Variants in ZFP91 observed in about 807,000 individuals in gnomAD.
The protein encoded by ZFP91 is ZFP91 zinc finger protein, atypical E3 ubiquitin ligase.
A neutral mutation model predicts 63.5 loss-of-function variants in ZFP91; 7 were observed. The ratio of observed to expected loss-of-function variants is 0.11; its 90% CI spans 0.06 to 0.21. ZFP91 has a LOEUF of 0.21. Among genes scored for constraint, ZFP91 ranks in the 10% least tolerant of loss-of-function variants. ZFP91 has a pLI of 1.00. For missense variants in ZFP91, 628 were observed against 736.6 expected (o/e 0.85, Z 1.71); for synonymous variants, 330 against 272.1 (o/e 1.21, Z -2.10).
At chr11:58,596,769 C>T (rs1254948805) in intron 2 of ZFP91, among the ~76,000 whole-genome samples, 1 of 151,782 alleles carries the variant, frequency 6.6e-6, no homozygotes, top group Non-Finnish European at 1.5e-5. Context: ...GCCATAAATC[C>T]TGTGAAGTCA....
At chr11:58,583,085 C>T (rs1392035717) in intron 1 of ZFP91, among the ~76,000 whole-genome samples, 34 of 152,082 alleles carry the variant, frequency 2.2e-4, no homozygotes. Flanking sequence ...AATCTAGTAG[C>T]ATTAGTATAC....
At chr11:58,609,073 C>G (rs1855614619) in intron 2 of ZFP91, among the ~76,000 whole-genome samples, 1 of 152,056 alleles carries the variant, frequency 6.6e-6, no homozygotes, top group Admixed American at 6.5e-5. Context: ...GGGCTCAATT[C>G]TAATGTACTT....
At chr11:58,591,766 A>G (rs770691747) in intron 2 of ZFP91, among the ~76,000 whole-genome samples, 13 of 152,196 alleles carry the variant, frequency 8.5e-5, no homozygotes, top group Non-Finnish European at 1.6e-4. Flanking sequence ...ACAAATTTGT[A>G]TCTAGAGTCT....
chr11:58,616,605 C>T, intron 9 of ZFP91, 111 bp from the exon 10 acceptor site: 1 of 719,838 alleles, frequency 1.4e-6, no homozygotes, highest in Non-Finnish European at 2.3e-6. Flanking sequence ...ACATTGAAAA[C>T]AGCATTGCTT....
At chr11:58,582,459 C>T (rs535664623) in intron 1 of ZFP91, among the ~76,000 whole-genome samples, 6 of 152,280 alleles carry the variant, frequency 3.9e-5, no homozygotes, top group South Asian at 2.1e-4. Flanking sequence ...CAGCATTTCC[C>T]TGTATACAAT....
chr11:58,611,811 G>GAGGA, intron 6 of ZFP91, 73 bp downstream of exon 6: 1 of 1,518,294 alleles, frequency 6.6e-7, no homozygotes, highest in Non-Finnish European at 8.8e-7. Context: ...GTGGGAGTGT[G>GAGGA]AGGAAGGATG....
intron 8 of ZFP91, 76 bp downstream of exon 8, chr11:58,612,916 G>A (rs1855690715): frequency 2.3e-6 from 3 of 1,305,274 alleles, no homozygotes; most frequent in Non-Finnish European, 2.2e-6. Context: ...ACTTTAATTT[G>A]TTGGCTTGTG....
Position 58,617,156 on chromosome 11 carries a change from T to A in ZFP91, c.1203-40T>A. Reference sequence around the variant, plus strand: ...ATCCTGAATAAGAGCACTCTTTATTTCTCTGTTGGATCAGCCATTTCCTTT... The same window carrying A: ...ATCCTGAATAAGAGCACTCTTTATTACTCTGTTGGATCAGCCATTTCCTTT... On this transcript the variant is annotated intron_variant, in intron 10 of 10. Coordinates refer to ENST00000316059, the MANE Select transcript of ZFP91 (RefSeq NM_053023.5). This position sits in a 1 kb window ranked among gnomAD's most constrained non-coding sequence, Gnocchi z 4.2. 6.5e-7 allele frequency: 1 copy of A among 1,529,922 alleles called. No individual in the cohort carries two copies. The highest frequency in any genetic ancestry group is 8.7e-7 in the Non-Finnish European group (1 of 1,143,346). 94.8% of individuals were successfully genotyped at this position (1,529,922 alleles called of 1,614,324 possible). A position where few individuals can be genotyped will look rare whatever the true frequency, so the allele number is the denominator to read the frequency against.
chr11:58,607,328 A>G (rs886248861), intron 2 of ZFP91, among the ~76,000 whole-genome samples: 7 of 152,146 alleles, frequency 4.6e-5, no homozygotes, highest in Admixed American at 4.6e-4. Flanking sequence ...ATGATTTCTA[A>G]ATCTAGGTGT....
chr11:58,591,521 A>G (rs1286594169), intron 2 of ZFP91, among the ~76,000 whole-genome samples: 2 of 152,190 alleles, frequency 1.3e-5, no homozygotes, highest in African/African-American at 4.8e-5. Context: ...TATGAATTGC[A>G]CACCTATCAC....
intron 2 of ZFP91, among the ~76,000 whole-genome samples, chr11:58,588,257 T>G (rs1281532315): frequency 3.3e-5 from 5 of 152,190 alleles, no homozygotes; most frequent in Non-Finnish European, 7.4e-5. Context: ...ACTGTGAGTC[T>G]CTAACTTGTG....
chr11:58,610,119 C>A, intron 3 of ZFP91, 80 bp downstream of exon 3: 1 of 1,529,414 alleles, frequency 6.5e-7, no homozygotes, highest in Non-Finnish European at 9.0e-7. Context: ...TTTGTGTTAA[C>A]AGCTTAACTG....
intron 2 of ZFP91, among the ~76,000 whole-genome samples, chr11:58,606,137 C>G (rs1484853177): frequency 1.3e-5 from 2 of 152,158 alleles, no homozygotes; most frequent in Admixed American, 1.3e-4. Context: ...TCTCGGCTCA[C>G]TGCACCCTCC....
Position 58,579,492 on chromosome 11 carries a change from CGGA to C in ZFP91, c.215_217del (p.Arg72del). On this transcript the variant is annotated inframe_deletion, in exon 1 of 11. Transcript: ENST00000316059. ...CGCCGCCGCCGCAGCTGTGTCCCGC[CGGA>C]GGAAGGCCGAGTATCCCCGCCGGCG... 1 of 1,519,780 alleles carries C rather than the reference CGGA, an allele frequency of 6.6e-7. No individual in the cohort carries two copies. Among genetic ancestry groups the C allele is most frequent in the Non-Finnish European group, 8.8e-7 (1 of 1,139,002 alleles). The allele number at this position is 1,519,780 out of a possible 1,614,324, so 94.1% of individuals were successfully genotyped here.
At chr11:58,586,038 A>G (rs1590610092) in intron 2 of ZFP91, among the ~76,000 whole-genome samples, 1 of 151,360 alleles carries the variant, frequency 6.6e-6, no homozygotes, top group South Asian at 2.1e-4. Flanking sequence ...TATTTTGTCT[A>G]GCAAGTTTTT....
intron 1 of ZFP91, among the ~76,000 whole-genome samples, 153 bp downstream of exon 1, chr11:58,579,775 T>A (rs763590277): frequency 2.0e-5 from 3 of 152,046 alleles, no homozygotes; most frequent in African/African-American, 4.8e-5. Flanking sequence ...CCCGGGAGCC[T>A]TCGTGCCTCC....
At chr11:58,613,419 T>C (rs1855699534) in intron 8 of ZFP91, among the ~76,000 whole-genome samples, 2 of 152,110 alleles carry the variant, frequency 1.3e-5, no homozygotes, top group Non-Finnish European at 2.9e-5. Context: ...CACTATCACA[T>C]TGGGGATTAA....
At chr11:58,589,267 G>A (rs1855264369) in intron 2 of ZFP91, among the ~76,000 whole-genome samples, 1 of 152,194 alleles carries the variant, frequency 6.6e-6, no homozygotes, top group South Asian at 2.1e-4. Context: ...TAGAGACAGG[G>A]TCTCACTGTG....
At position 58,591,653 on chromosome 11, in the gene ZFP91, G is replaced by GT. The variant is rs751918308; in HGVS notation, c.370+6777dup. Among the ~76,000 whole-genome samples the GT allele has an allele frequency of 2.2e-4, 34 of 151,754 alleles. No individual in the cohort carries two copies. In the East Asian group the frequency reaches 3.7e-3, roughly 16 times the overall value. On this transcript the variant is annotated intron_variant, in intron 2 of 10. Coordinates refer to ENST00000316059, the MANE Select transcript of ZFP91 (RefSeq NM_053023.5). The stretch of plus-strand genomic sequence containing the variant: ...ATCTACTTTCTGTCTGTATAGATTT[G>GT]TTTTTTTTCTGGACATTTTGTGTAA...
Sources: allele counts gnomAD v4.1 joint callset (sites outside exome capture counted in the v4.1 genomes callset), GRCh38; gene constraint gnomAD v4.1.1; non-coding constraint Gnocchi (gnomAD v3.1); transcripts MANE v1.5; gene names NCBI Gene and HGNC (gene_info 2026-07-23, HGNC 2026-07-21).